Variants in RNASE11 observed in about 807,000 individuals in gnomAD.
The protein encoded by RNASE11 is ribonuclease A family member 11 (inactive), also known as putative inactive ribonuclease 11.
For missense variants in RNASE11, 252 were observed against 237.8 expected (o/e 1.06, Z -0.39); for synonymous variants, 105 against 86.1 (o/e 1.22, Z -1.21).
chr14:20,590,064 CAT>C (rs1441718175), upstream of RNASE11: 2 of 915,818 alleles, frequency 2.2e-6, no homozygotes, highest in Admixed American at 3.0e-5. Context: ...AATGGAAACA[CAT>C]GTAGAATTTA....
upstream of RNASE11, chr14:20,590,105 T>C: frequency 1.6e-6 from 2 of 1,225,558 alleles, no homozygotes; most frequent in East Asian, 2.6e-5. Context: ...ATTATTTTAT[T>C]GAAGCAGAAT....
exon 2 of RNASE11, chr14:20,584,306 G>A (rs140783651): frequency 5.0e-6 from 8 of 1,614,144 alleles, no homozygotes; most frequent in Non-Finnish European, 6.8e-6. Context: ...TTAACTAACA[G>A]GATCGGGTTC....
chr14:20,584,486 T>C (rs565416747), exon 2 of RNASE11: 6 of 1,562,882 alleles, frequency 3.8e-6, no homozygotes, highest in Admixed American at 2.0e-5. Context: ...TCAGATGTAG[T>C]GTAATCTCTT....
At chr14:20,587,842 C>T (rs887561752), upstream of RNASE11, 113 of 985,360 alleles carry the variant, frequency 1.1e-4, no homozygotes, top group Non-Finnish European at 1.3e-4. Flanking sequence ...ACAGAGCTAA[C>T]AACTAGCGTA....
At chr14:20,588,535 A>G (rs1884484350), upstream of RNASE11, among the ~76,000 whole-genome samples, 1 of 152,132 alleles carries the variant, frequency 6.6e-6, no homozygotes, top group Admixed American at 6.5e-5. Flanking sequence ...ATGGTTTCAG[A>G]CCAGTCAGGC....
exon 2 of RNASE11, chr14:20,583,923 C>T (rs767084176): frequency 1.2e-6 from 2 of 1,613,938 alleles, no homozygotes; most frequent in Admixed American, 1.7e-5. Context: ...AATGACCTGT[C>T]AGCACTGTCA....
downstream of RNASE11, chr14:20,582,990 G>C (rs1243599): frequency 6.6e-6 from 1 of 152,042 alleles, no homozygotes; most frequent in Non-Finnish European, 1.5e-5. Context: ...GAAACATATG[G>C]CCACACATCG....
intron 1 of RNASE11, 90 bp from the exon 3 acceptor site, chr14:20,584,586 C>T: frequency 9.1e-7 from 1 of 1,099,666 alleles, no homozygotes; most frequent in Middle Eastern, 2.4e-4. Flanking sequence ...GGTAGGGACC[C>T]CTACATGTAG....
chr14:20,583,755 A>C, exon 2 of RNASE11: 1 of 1,128,350 alleles, frequency 8.9e-7, no homozygotes, highest in South Asian at 1.7e-5. Flanking sequence ...CTCCAGTTAG[A>C]ATAAATAATC....
At chr14:20,590,257 C>A, upstream of RNASE11, 1 of 1,608,010 alleles carries the variant, frequency 6.2e-7, no homozygotes, top group East Asian at 2.2e-5. Context: ...GAAGAGATCT[C>A]AGACTCGGGA....
chr14:20,587,783 GC>G (rs750323300), upstream of RNASE11: 92 of 985,158 alleles, frequency 9.3e-5, no homozygotes, highest in Non-Finnish European at 1.1e-4. Flanking sequence ...ATCCCCCAAC[GC>G]CCCCTCCTAA....
chr14:20,584,631 T>G, intron 1 of RNASE11, 135 bp from the exon 3 acceptor site: 1 of 615,476 alleles, frequency 1.6e-6, no homozygotes, highest in Non-Finnish European at 2.6e-6. Context: ...GGAACTATGA[T>G]ATAATAGAAA....
chr14:20,583,046 G>T, downstream of RNASE11: 1 of 152,152 alleles, frequency 6.6e-6, no homozygotes. Flanking sequence ...GTTGAACCAC[G>T]AACGTTTGCA....
chr14:20,589,832 A>G (rs1448212182), upstream of RNASE11, among the ~76,000 whole-genome samples: 1 of 152,142 alleles, frequency 6.6e-6, no homozygotes, highest in Non-Finnish European at 1.5e-5. Flanking sequence ...GGTTGCAGTG[A>G]GCCGAGATCG....
chr14:20,589,817 G>A (rs1348126710), upstream of RNASE11, among the ~76,000 whole-genome samples: 1 of 152,100 alleles, frequency 6.6e-6, no homozygotes, highest in African/African-American at 2.4e-5. Context: ...AACCCGGGAA[G>A]CAGAGGTTGC....
intron 1 of RNASE11, among the ~76,000 whole-genome samples, chr14:20,585,953 T>C (rs1230543371): frequency 6.6e-6 from 1 of 152,184 alleles, no homozygotes; most frequent in African/African-American, 2.4e-5. Flanking sequence ...CACCATCCCT[T>C]CTACATTGAT....
chr14:20,590,180 C>A, upstream of RNASE11: 1 of 1,521,362 alleles, frequency 6.6e-7, no homozygotes, highest in Non-Finnish European at 8.8e-7. Context: ...CCCTTCCGCT[C>A]AAGGCATTGC....
downstream of RNASE11, chr14:20,583,205 G>A (rs1397374991): frequency 1.3e-5 from 2 of 152,186 alleles, no homozygotes; most frequent in Admixed American, 6.5e-5. Flanking sequence ...CTCTCCCACA[G>A]CCCCAGGGTA....
chr14:20,587,974 C>T (rs1416652540), upstream of RNASE11: 1 of 318,210 alleles, frequency 3.1e-6, no homozygotes, highest in Admixed American at 6.5e-5. Flanking sequence ...CCCACCCATG[C>T]CTGCTCTAGG....
Sources: allele counts gnomAD v4.1 joint callset (sites outside exome capture counted in the v4.1 genomes callset), GRCh38; gene constraint gnomAD v4.1.1; transcripts MANE v1.5; gene names NCBI Gene and HGNC (gene_info 2026-07-23, HGNC 2026-07-21).